NXNL2: variants seen among roughly 807,000 people sequenced by gnomAD.
NXNL2 encodes nucleoredoxin like 2, also known as nucleoredoxin-like protein 2.
NXNL2 carries 7 observed loss-of-function variants against 11.1 expected under a neutral mutation model. The ratio of observed to expected loss-of-function variants is 0.63; its 90% CI spans 0.36 to 1.18. The LOEUF (loss-of-function observed/expected upper bound fraction) is 1.18, where lower values mean the gene tolerates loss of function less well. Among genes scored for constraint, NXNL2 ranks in the 50% most tolerant of loss-of-function variants. The probability of loss-of-function intolerance (pLI) is 0.02; values close to 1 mark genes in which losing one functional copy is unlikely to be tolerated. For missense variants in NXNL2, 233 were observed against 217.7 expected (o/e 1.07, Z -0.44); for synonymous variants, 109 against 101.8 (o/e 1.07, Z -0.42).
intron 1 of NXNL2, among the ~76,000 whole-genome samples, chr9:88,567,285 C>A (rs555732950): frequency 3.9e-5 from 6 of 152,062 alleles, no homozygotes; most frequent in Non-Finnish European, 8.8e-5. Flanking sequence ...ATTACAGGTG[C>A]CTGCCACCAT....
At chr9:88,553,548 T>C (rs12352762) in intron 1 of NXNL2, among the ~76,000 whole-genome samples, 3,255 of 152,236 alleles carry the variant, frequency 0.021, 112 homozygotes, top group African/African-American at 0.069. Flanking sequence ...CTTTATTTTT[T>C]TCTCCTGGTG....
chr9:88,566,971 A>G (rs1293689820), intron 1 of NXNL2, among the ~76,000 whole-genome samples: 1 of 131,954 alleles, frequency 7.6e-6, no homozygotes, highest in African/African-American at 2.8e-5. Flanking sequence ...TCTATTATCT[A>G]TCATCTATCT....
intron 1 of NXNL2, 42 bp downstream of exon 1, chr9:88,535,778 C>CT (rs1361326186): frequency 1.3e-6 from 2 of 1,485,624 alleles, no homozygotes; most frequent in Non-Finnish European, 1.8e-6. Flanking sequence ...CCCGGCACGT[C>CT]TCCCCCATGT....
intron 1 of NXNL2, among the ~76,000 whole-genome samples, chr9:88,552,281 T>C (rs2118462878): frequency 6.6e-6 from 1 of 152,274 alleles, no homozygotes; most frequent in Middle Eastern, 3.4e-3. Context: ...CAAATCCCTT[T>C]GCTGTCATTT....
downstream of NXNL2, among the ~76,000 whole-genome samples, chr9:88,578,554 G>T (rs1288131185): frequency 6.6e-6 from 1 of 152,246 alleles, no homozygotes; most frequent in Non-Finnish European, 1.5e-5. Context: ...GGCTGTTGCC[G>T]CTGGCTGTGT....
intron 2 of NXNL2, among the ~76,000 whole-genome samples, chr9:88,572,556 C>T (rs1381448764): frequency 6.6e-6 from 1 of 152,184 alleles, no homozygotes; most frequent in African/African-American, 2.4e-5. Flanking sequence ...GAGCCGTGCC[C>T]CTACCAGGCG....
At position 88,535,588 on chromosome 9, in the gene NXNL2, T is replaced by A. The variant is rs1381110997; in HGVS notation, c.154T>A (p.Tyr52Asn). 2 of 1,609,680 alleles carry A rather than the reference T, an allele frequency of 1.2e-6. No individual in the cohort carries two copies. The highest frequency in any genetic ancestry group is 2.2e-5 in the South Asian group (2 of 90,960). Residue 52 changes from tyrosine to asparagine, a missense_variant, in exon 1 of 2, where the codon TAT becomes AAT. Physicochemically the swap from Tyr to Asn is moderately radical, Grantham distance 143 (BLOSUM62 -2). Transcript: ENST00000375854. ...RDFTPLLCDF[Y>N]TALVAEARRP... Reference sequence around the variant, plus strand: ...CTTCACGCCGCTGCTCTGCGACTTCTATACGGCGCTGGTGGCCGAGGCGCG... The same window carrying A: ...CTTCACGCCGCTGCTCTGCGACTTCAATACGGCGCTGGTGGCCGAGGCGCG...
chr9:88,567,770 G>A (rs965872321), intron 1 of NXNL2, among the ~76,000 whole-genome samples: 3 of 152,202 alleles, frequency 2.0e-5, no homozygotes, highest in Non-Finnish European at 4.4e-5. Context: ...GCCTGGAGCT[G>A]TGACTTAAGT....
At chr9:88,546,296 A>G (rs933035284), downstream of NXNL2, among the ~76,000 whole-genome samples, 8 of 152,034 alleles carry the variant, frequency 5.3e-5, no homozygotes, top group African/African-American at 1.7e-4. Flanking sequence ...TGGGGTGACT[A>G]GAGGGAGAGG....
intron 1 of NXNL2, among the ~76,000 whole-genome samples, chr9:88,540,285 T>C (rs915217809): frequency 4.6e-5 from 7 of 151,446 alleles, no homozygotes; most frequent in Non-Finnish European, 7.4e-5. Context: ...TGAGCCGAGA[T>C]TGTACCACTG....
intron 1 of NXNL2, among the ~76,000 whole-genome samples, chr9:88,583,266 G>T (rs972323315): frequency 6.6e-6 from 1 of 152,224 alleles, no homozygotes; most frequent in Non-Finnish European, 1.5e-5. Context: ...CTAATGCGTG[G>T]CATGCTCGTG....
chr9:88,558,338 T>C (rs1830044987), intron 1 of NXNL2, among the ~76,000 whole-genome samples: 1 of 152,148 alleles, frequency 6.6e-6, no homozygotes, highest in South Asian at 2.1e-4. Flanking sequence ...GAGGGTGGTG[T>C]TCCCGGAGAG....
intron 1 of NXNL2, chr9:88,571,048 A>G (rs1040302244): frequency 7.2e-5 from 29 of 402,260 alleles, no homozygotes; most frequent in Admixed American, 3.0e-4. Context: ...CAGGTCCCCA[A>G]TACTGTTTTG....
chr9:88,576,205 C>G (rs528025217), downstream of NXNL2, among the ~76,000 whole-genome samples: 15 of 152,242 alleles, frequency 9.9e-5, no homozygotes, highest in African/African-American at 2.6e-4. Context: ...AAAAAGAAAA[C>G]AAAACAAACA....
chr9:88,536,869 G>C (rs1227645492), intron 1 of NXNL2, among the ~76,000 whole-genome samples: 2 of 152,190 alleles, frequency 1.3e-5, no homozygotes, highest in Admixed American at 1.3e-4. Context: ...AAGTTCTATT[G>C]ATAATGAATC....
chr9:88,584,436 A>C (rs1313197587), downstream of NXNL2, among the ~76,000 whole-genome samples: 2 of 152,208 alleles, frequency 1.3e-5, no homozygotes, highest in African/African-American at 4.8e-5. Flanking sequence ...CCTAGAAACT[A>C]ATCCTGCCGG....
At chr9:88,538,460 C>A (rs866860379) in intron 1 of NXNL2, 1 of 152,256 alleles carries the variant, frequency 6.6e-6, no homozygotes, top group African/African-American at 2.4e-5. Context: ...CTGGAGGCCA[C>A]GGAGGATGCA....
intron 1 of NXNL2, among the ~76,000 whole-genome samples, chr9:88,555,112 G>C (rs1829992039): frequency 2.6e-5 from 4 of 152,228 alleles, no homozygotes; most frequent in Admixed American, 2.6e-4. Flanking sequence ...AGCCCAGGAG[G>C]CCACATGGGT....
intron 1 of NXNL2, among the ~76,000 whole-genome samples, chr9:88,537,718 G>A (rs954814769): frequency 6.6e-6 from 1 of 152,174 alleles, no homozygotes; most frequent in Admixed American, 6.5e-5. Context: ...CCAACTCTCC[G>A]GGGGTTTCCT....
Sources: allele counts gnomAD v4.1 joint callset (sites outside exome capture counted in the v4.1 genomes callset), GRCh38; gene constraint gnomAD v4.1.1; transcripts MANE v1.5; gene names NCBI Gene and HGNC (gene_info 2026-07-23, HGNC 2026-07-21).